Variants in CTHRC1 observed in about 807,000 individuals in gnomAD.
CTHRC1 encodes the protein collagen triple helix repeat containing 1.
A neutral mutation model predicts 25.9 loss-of-function variants in CTHRC1; 21 were observed. That is an observed-to-expected ratio of 0.81 (90% CI 0.57 to 1.17). The LOEUF (loss-of-function observed/expected upper bound fraction) is 1.17. Among genes scored for constraint, CTHRC1 ranks in the 50% most tolerant of loss-of-function variants. The pLI is 0.00. For missense variants in CTHRC1, 281 were observed against 304.3 expected (o/e 0.92, Z 0.57); for synonymous variants, 109 against 113.1 (o/e 0.96, Z 0.23).
chr8:103,381,723 G>A (rs1815913962), intron 3 of CTHRC1, among the ~76,000 whole-genome samples: 1 of 152,088 alleles, frequency 6.6e-6, no homozygotes, highest in South Asian at 2.1e-4. Flanking sequence ...TTCTGGCTGG[G>A]CACGGTGGCT....
intron 1 of CTHRC1, among the ~76,000 whole-genome samples, chr8:103,375,491 A>T (rs1815787910): frequency 6.6e-6 from 1 of 152,114 alleles, no homozygotes. Context: ...CAGGCAAATA[A>T]TTTTGTCCTC....
Position 103,382,868 on chromosome 8 carries a change from G to A in CTHRC1, c.*268G>A, listed in dbSNP as rs1815938669. On this transcript the variant is annotated 3_prime_UTR_variant, in exon 4 of 4. Coordinates refer to ENST00000330295, the MANE Select transcript of CTHRC1 (RefSeq NM_138455.4). ...ACCTATAATTTGGAATATTGTTGTG[G>A]TCTTTTGTTTTTTCTCTTAGTATAG... 2.8e-6 allele frequency: 1 copy of A among 356,628 alleles called. No homozygotes were observed. The highest frequency in any genetic ancestry group is 4.3e-5 in the Admixed American group (1 of 23,004). 22.1% of individuals were successfully genotyped at this position (356,628 alleles called of 1,614,324 possible). A position where few individuals can be genotyped will look rare whatever the true frequency, so the allele number is the denominator to read the frequency against.
chr8:103,371,880 C>A lies in CTHRC1; in HGVS notation c.150+74C>A, dbSNP rs1815711427. On this transcript the variant is annotated intron_variant, in intron 1 of 3. Coordinates refer to ENST00000330295, the MANE Select transcript of CTHRC1 (RefSeq NM_138455.4). ...CTGGCCGCGCGCCCCACGGGCAGGGCGTCAGTCTGGCTGTTGGGGGTGTCT... is the reference window on the plus strand; with the variant it reads ...CTGGCCGCGCGCCCCACGGGCAGGGAGTCAGTCTGGCTGTTGGGGGTGTCT... 4 of 1,396,930 alleles carry A rather than the reference C, an allele frequency of 2.9e-6. No homozygotes were observed. In the South Asian group the frequency reaches 6.0e-5, roughly 21 times the overall value. 86.5% of individuals were successfully genotyped at this position (1,396,930 alleles called of 1,614,324 possible). A position where few individuals can be genotyped will look rare whatever the true frequency, so the allele number is the denominator to read the frequency against.
Position 103,375,802 on chromosome 8 carries a change from AT to A in CTHRC1, c.216del (p.Asn72LysfsTer23). The A allele has an allele frequency of 6.2e-7, 1 of 1,614,138 alleles. No individual in the cohort carries two copies. Among genetic ancestry groups the A allele is most frequent in the African/African-American group, 1.3e-5 (1 of 75,014 alleles). ...GGTCGAGACGGGAGCCCTGGGGCCA[AT>A]GGCATTCCGGGTACACCTGGGATCC... ...VPGRDGSPGA[N>X]GIPGTPGIPG... On this transcript the variant is annotated frameshift_variant, in exon 2 of 4. Coordinates refer to ENST00000330295, the MANE Select transcript of CTHRC1 (RefSeq NM_138455.4). LOFTEE classifies it high-confidence loss of function.
rs1815840704 is a variant in CTHRC1, at chr8:103,378,052, C to A, written c.398C>A (p.Ser133Ter). Reference protein sequence around the residue: ...IAECTFTKMRSNSALRVLFSG... With the variant: ...IAECTFTKMR ...GAGTGTACATTTACAAAGATGCGTT[C>A]AAATAGTGCTCTAAGAGTTTTGTTC... The change falls in exon 3 of 4, where the codon TCA becomes TAA. Residue 133 changes from serine to a stop codon, truncating the protein, a stop_gained. Coordinates refer to ENST00000330295, the MANE Select transcript of CTHRC1 (RefSeq NM_138455.4). LOFTEE classifies it high-confidence loss of function. The A allele has an allele frequency of 6.2e-7, 1 of 1,613,884 alleles. No homozygotes were observed. The highest frequency in any genetic ancestry group is 1.3e-5 in the African/African-American group (1 of 75,042).
rs984795003 is a variant in CTHRC1, at chr8:103,382,627, T to C, written c.*27T>C. 6.4e-7 allele frequency: 1 copy of C among 1,572,148 alleles called. No individual in the cohort carries two copies. Among genetic ancestry groups the C allele is most frequent in the Non-Finnish European group, 8.8e-7 (1 of 1,142,240 alleles). On this transcript the variant is annotated 3_prime_UTR_variant, in exon 4 of 4. Coordinates refer to ENST00000330295, the MANE Select transcript of CTHRC1 (RefSeq NM_138455.4). ...TGCTTTAATTTTCATTTGCTACCTC[T>C]TTTTTTATTATGCCTTGGAATGGTT...
chr8:103,382,798 T>A lies in CTHRC1; in HGVS notation c.*198T>A. 1 of 586,716 alleles carries A rather than the reference T, an allele frequency of 1.7e-6. No homozygotes were observed. The highest frequency in any genetic ancestry group is 3.1e-5 in the East Asian group (1 of 32,580). The allele number at this position is 586,716 out of a possible 1,614,324, so 36.3% of individuals were successfully genotyped here. ...TTCAATCAAAAGTGGTTTCAATATT[T>A]TTTTTAGTTGGTTAGAATACTTTCT... On this transcript the variant is annotated 3_prime_UTR_variant, in exon 4 of 4. Transcript: ENST00000330295.
chr8:103,382,314 TA>T, intron 3 of CTHRC1, 143 bp from the exon 4 acceptor site: 2 of 756,760 alleles, frequency 2.6e-6, no homozygotes, highest in Non-Finnish European at 2.2e-6. Context: ...GACTTCATTA[TA>T]AAAACCTTAT....
At position 103,371,812 on chromosome 8, in the gene CTHRC1, T is replaced by G. The variant is rs945745243; in HGVS notation, c.150+6T>G. On this transcript the variant is annotated splice_donor_region_variant and intron_variant, in intron 1 of 3. Transcript: ENST00000330295. ...AGAGGGAGGTGGTGGACCTGGTGAG[T>G]CCGAGGGAGCCGAGCCGGGACCGCC... 6.7e-7 allele frequency: 1 copy of G among 1,502,102 alleles called. No individual in the cohort carries two copies. Among genetic ancestry groups the G allele is most frequent in the Non-Finnish European group, 8.9e-7 (1 of 1,125,586 alleles). The allele number at this position is 1,502,102 out of a possible 1,614,324, so 93.0% of individuals were successfully genotyped here. A position where few individuals can be genotyped will look rare whatever the true frequency, so the allele number is the denominator to read the frequency against.
chr8:103,382,683 T>C lies in CTHRC1; in HGVS notation c.*83T>C. The stretch of plus-strand genomic sequence containing the variant: ...AAATGACATTTTAAATAAGTTTATG[T>C]ATACATCTGAATGAAAAGCAAAGCT... On this transcript the variant is annotated 3_prime_UTR_variant, in exon 4 of 4. Transcript: ENST00000330295. 1 of 1,204,578 alleles carries C rather than the reference T, an allele frequency of 8.3e-7. No homozygotes were observed. The allele number at this position is 1,204,578 out of a possible 1,614,324, so 74.6% of individuals were successfully genotyped here.
At chr8:103,380,525 G>A (rs974137346) in intron 3 of CTHRC1, among the ~76,000 whole-genome samples, 3 of 152,208 alleles carry the variant, frequency 2.0e-5, no homozygotes, top group African/African-American at 7.2e-5. Flanking sequence ...ATGCCCATGG[G>A]AGTTTGACAA....
intron 1 of CTHRC1, chr8:103,372,795 T>A: frequency 4.9e-6 from 3 of 610,450 alleles, no homozygotes; most frequent in Non-Finnish European, 8.2e-6. Flanking sequence ...CAGTCTCACT[T>A]GCAGACAAAC....
At chr8:103,373,265 T>C (rs892772483) in intron 1 of CTHRC1, among the ~76,000 whole-genome samples, 1 of 152,076 alleles carries the variant, frequency 6.6e-6, no homozygotes, top group East Asian at 1.9e-4. Flanking sequence ...ATCCTGTAGG[T>C]TGGATTTGGT....
rs1815933820 is a variant in CTHRC1 at position 103,382,591 on chromosome 8, A to G, written c.723A>G (p.Leu241=). The part of the protein sequence containing the change: ...NSVSRIIIEE[L]PK Reference sequence around the variant, plus strand: ...TTTCTCGCATCATTATTGAAGAACTACCAAAATAAATGCTTTAATTTTCAT... The same window carrying G: ...TTTCTCGCATCATTATTGAAGAACTGCCAAAATAAATGCTTTAATTTTCAT... The change falls in exon 4 of 4, where the codon CTA becomes CTG. Residue 241 remains leucine, a synonymous_variant. Transcript: ENST00000330295. 6.2e-7 allele frequency: 1 copy of G among 1,612,778 alleles called. No homozygotes were observed.
In CTHRC1 at chr8:103,378,018, T is replaced by C; in HGVS notation, c.373-9T>C. Reference sequence around the variant, plus strand: ...TGTTAATTAAATCCCATTTCTATGTTTGTGACAGGAGTGTACATTTACAAA... The same window carrying C: ...TGTTAATTAAATCCCATTTCTATGTCTGTGACAGGAGTGTACATTTACAAA... On this transcript the variant is annotated splice_polypyrimidine_tract_variant and intron_variant, in intron 2 of 3. Coordinates refer to ENST00000330295, the MANE Select transcript of CTHRC1 (RefSeq NM_138455.4). 1 of 1,600,700 alleles carries C rather than the reference T, an allele frequency of 6.2e-7. No individual in the cohort carries two copies. The highest frequency in any genetic ancestry group is 1.1e-5 in the South Asian group (1 of 90,758).
At chr8:103,375,246 G>A (rs1815783872) in intron 1 of CTHRC1, among the ~76,000 whole-genome samples, 1 of 151,872 alleles carries the variant, frequency 6.6e-6, no homozygotes, top group Non-Finnish European at 1.5e-5. Flanking sequence ...TTTATCTTAA[G>A]GAAATAATTC....
At position 103,371,634 on chromosome 8, in the gene CTHRC1, G is replaced by A; in HGVS notation, c.-23G>A. The A allele has an allele frequency of 6.5e-7, 1 of 1,529,364 alleles. No individual in the cohort carries two copies. The highest frequency in any genetic ancestry group is 2.0e-5 in the Admixed American group (1 of 49,420). 94.7% of individuals were successfully genotyped at this position (1,529,364 alleles called of 1,614,324 possible). On this transcript the variant is annotated 5_prime_UTR_variant, in exon 1 of 4. Coordinates refer to ENST00000330295, the MANE Select transcript of CTHRC1 (RefSeq NM_138455.4). Reference sequence around the variant, plus strand: ...CTCGGTCTCCTCCGCCTCCAGCTCCGCGCTGCCCGGCAGCCGGGAGCCATG... The same window carrying A: ...CTCGGTCTCCTCCGCCTCCAGCTCCACGCTGCCCGGCAGCCGGGAGCCATG...
Position 103,371,805 on chromosome 8 carries a change from T to C in CTHRC1, c.149T>C (p.Leu50Pro). The C allele has an allele frequency of 3.3e-6, 5 of 1,522,816 alleles. No individual in the cohort carries two copies. The highest frequency in any genetic ancestry group is 4.4e-6 in the Non-Finnish European group (5 of 1,134,232). 94.3% of individuals were successfully genotyped at this position (1,522,816 alleles called of 1,614,324 possible). A position where few individuals can be genotyped will look rare whatever the true frequency, so the allele number is the denominator to read the frequency against. Reference sequence around the variant, plus strand: ...CTCCGGCAGAGGGAGGTGGTGGACCTGGTGAGTCCGAGGGAGCCGAGCCGG... The same window carrying C: ...CTCCGGCAGAGGGAGGTGGTGGACCCGGTGAGTCCGAGGGAGCCGAGCCGG... ...AQLRQREVVD[L>P]YNGMCLQGPA... The change falls in exon 1 of 4, where the codon CTG becomes CCG. Residue 50 changes from leucine (L) to proline (P), a missense_variant and splice_region_variant. Leu to Pro is a moderately conservative substitution (Grantham distance 98). Transcript: ENST00000330295.
chr8:103,374,242 G>T (rs1244187019), intron 1 of CTHRC1, among the ~76,000 whole-genome samples: 8 of 152,110 alleles, frequency 5.3e-5, no homozygotes, highest in Admixed American at 5.2e-4. Context: ...AATTATATAG[G>T]ATTCTTCCCA....
Sources: gnomAD v4.1 joint callset for allele counts (sites outside exome capture counted in the v4.1 genomes callset) on GRCh38, gnomAD v4.1.1 for gene constraint, MANE v1.5 for transcripts, NCBI Gene and HGNC (gene_info 2026-07-23, HGNC 2026-07-21) for gene names.